NHSL3: variants seen among roughly 807,000 people sequenced by gnomAD.
NHSL3 encodes the protein NHS like 3.
chr1:32,772,847 CTTAT>C, the NHSL3 span: 1 of 1,613,830 alleles, frequency 6.2e-7, no homozygotes, highest in East Asian at 2.2e-5. Flanking sequence ...CTAAGTGTCT[CTTAT>C]TTTTCTCCCC....
chr1:32,769,098 C>CA, the NHSL3 span, among the ~76,000 whole-genome samples: 1 of 151,970 alleles, frequency 6.6e-6, no homozygotes, highest in Non-Finnish European at 1.5e-5. Context: ...ACTAAAAATA[C>CA]AAAAAATTAG....
the NHSL3 span, among the ~76,000 whole-genome samples, chr1:32,758,282 T>C: frequency 1.3e-5 from 2 of 152,048 alleles, no homozygotes; most frequent in African/African-American, 4.8e-5. Flanking sequence ...TTCCCATGCG[T>C]TGCACTGTCA....
chr1:32,742,773 TCAC>T, the NHSL3 span, among the ~76,000 whole-genome samples: 1 of 152,208 alleles, frequency 6.6e-6, no homozygotes, highest in South Asian at 2.1e-4. Context: ...GCCACAAACA[TCAC>T]CTCCTGGGGT....
the NHSL3 span, among the ~76,000 whole-genome samples, chr1:32,751,448 C>G: frequency 6.6e-6 from 1 of 152,154 alleles, no homozygotes. Flanking sequence ...CCTGGGGTTA[C>G]TCAAAGGAGT....
At chr1:32,752,867 C>A in the NHSL3 span, among the ~76,000 whole-genome samples, 1 of 147,452 alleles carries the variant, frequency 6.8e-6, no homozygotes, top group Non-Finnish European at 1.5e-5. Flanking sequence ...GTGTGAGCCA[C>A]AATGCCTGGC....
chr1:32,758,850 C>A, the NHSL3 span, among the ~76,000 whole-genome samples: 1 of 152,078 alleles, frequency 6.6e-6, no homozygotes, highest in Admixed American at 6.5e-5. Context: ...AATCCTCACT[C>A]CAGGGCAGTG....
At chr1:32,771,224 C>T in the NHSL3 span, 9 of 1,613,036 alleles carry the variant, frequency 5.6e-6, no homozygotes, top group African/African-American at 8.0e-5. Flanking sequence ...AGCCCTAACC[C>T]AGCTGCCCCT....
At chr1:32,746,162 C>T in the NHSL3 span, among the ~76,000 whole-genome samples, 3 of 143,698 alleles carry the variant, frequency 2.1e-5, no homozygotes, top group Admixed American at 7.4e-5. Flanking sequence ...ACCCGGGAGG[C>T]GGAGCTTGCA....
chr1:32,752,150 A>G, the NHSL3 span, among the ~76,000 whole-genome samples: 1 of 152,288 alleles, frequency 6.6e-6, no homozygotes, highest in East Asian at 1.9e-4. Flanking sequence ...CTTGGTACAC[A>G]GTGTATGCTC....
the NHSL3 span, among the ~76,000 whole-genome samples, chr1:32,743,495 C>T: frequency 6.6e-6 from 1 of 152,218 alleles, no homozygotes; most frequent in Non-Finnish European, 1.5e-5. Context: ...TCCAAAGCCT[C>T]TGCAGTCCTA....
the NHSL3 span, among the ~76,000 whole-genome samples, chr1:32,747,930 G>A: frequency 2.0e-5 from 3 of 152,096 alleles, no homozygotes; most frequent in Non-Finnish European, 4.4e-5. Context: ...CCAACATGGC[G>A]AAACCCCATC....
At chr1:32,762,646 T>C in the NHSL3 span, among the ~76,000 whole-genome samples, 3 of 152,076 alleles carry the variant, frequency 2.0e-5, no homozygotes, top group Non-Finnish European at 2.9e-5. Flanking sequence ...TGGAATGCAA[T>C]GGCTGCGATC....
At chr1:32,768,228 TA>T in the NHSL3 span, 1 of 800,126 alleles carries the variant, frequency 1.2e-6, no homozygotes, top group Non-Finnish European at 2.2e-6. Context: ...AGGGCTACAC[TA>T]AATGAACCCT....
chr1:32,770,683 C>G, the NHSL3 span: 2 of 1,534,422 alleles, frequency 1.3e-6, no homozygotes, highest in Admixed American at 2.0e-5. The surrounding 1 kb of genome is among the most constrained non-coding windows in gnomAD (Gnocchi z 8.3). Flanking sequence ...ACCCCCTCCC[C>G]GCCGGACCCA....
At chr1:32,746,644 C>T in the NHSL3 span, among the ~76,000 whole-genome samples, 1 of 152,174 alleles carries the variant, frequency 6.6e-6, no homozygotes, top group Admixed American at 6.6e-5. Flanking sequence ...ATATTCTTTA[C>T]TCTGGAGTGT....
At chr1:32,770,846 A>G in the NHSL3 span, 2 of 1,607,416 alleles carry the variant, frequency 1.2e-6, no homozygotes, top group African/African-American at 1.3e-5. The surrounding 1 kb of genome is among the most constrained non-coding windows in gnomAD (Gnocchi z 8.3). Flanking sequence ...AACCCAGCCA[A>G]CAGCTGGGTA....
the NHSL3 span, chr1:32,772,924 A>T: frequency 6.2e-7 from 1 of 1,608,712 alleles, no homozygotes; most frequent in Non-Finnish European, 8.5e-7. Context: ...GACCCATCCC[A>T]GAAACACAAT....
chr1:32,772,265 C>A, the NHSL3 span: 1 of 1,602,846 alleles, frequency 6.2e-7, no homozygotes. Flanking sequence ...GCCCGCAAGC[C>A]GTCTGTGGGA....
At chr1:32,773,693 C>G in the NHSL3 span, 1 of 152,748 alleles carries the variant, frequency 6.5e-6, no homozygotes, top group African/African-American at 2.4e-5. Context: ...GCACCTGCCC[C>G]TTGCCTCCTT....
Sources: allele counts gnomAD v4.1 joint callset (sites outside exome capture counted in the v4.1 genomes callset), GRCh38; gene constraint gnomAD v4.1.1; non-coding constraint Gnocchi (gnomAD v3.1); transcripts MANE v1.5; gene names NCBI Gene and HGNC (gene_info 2026-07-23, HGNC 2026-07-21).